PELP1: variants seen among roughly 807,000 people sequenced by gnomAD.
The protein encoded by PELP1 is proline, glutamate and leucine rich protein 1, also known as proline-, glutamic acid- and leucine-rich protein 1.
PELP1 carries 32 observed loss-of-function variants against 95.5 expected under a neutral mutation model. The observed-to-expected ratio is 0.34, with a 90% CI of 0.25 to 0.45. The LOEUF is 0.45. Ranked by LOEUF, PELP1 falls within the 20% of genes least tolerant of loss-of-function variation. The probability of loss-of-function intolerance (pLI) is 1.00; values close to 1 mark genes in which losing one functional copy is unlikely to be tolerated. For missense variants in PELP1, 1,358 were observed against 1,444.8 expected, an observed-to-expected ratio of 0.94 and a Z score of 0.97; for synonymous variants, 668 against 600.1, an observed-to-expected ratio of 1.11 and a Z score of -1.65.
chr17:4,692,291 C>A lies in PELP1; in HGVS notation c.250-849G>T, dbSNP rs928139760. On this transcript the variant is annotated intron_variant, in intron 1 of 16. Coordinates refer to ENST00000572293, the MANE Select transcript of PELP1 (RefSeq NM_014389.3). ...GACCATCCTGGCTAACATGGTGAAA[C>A]CCCGTCTCTACTAAAAATACAAAAA... is the stretch of plus-strand genomic sequence containing the variant. Among the ~76,000 whole-genome samples, 22 of 152,030 alleles carry A rather than the reference C, an allele frequency of 1.4e-4. 1 individual carries two copies. The highest frequency in any genetic ancestry group is 7.9e-4 in the Admixed American group (12 of 15,266).
chr17:4,683,531 C>CT (rs59870828), intron 3 of PELP1, among the ~76,000 whole-genome samples: 5 of 96,568 alleles, frequency 5.2e-5, no homozygotes, highest in African/African-American at 1.9e-4. Context: ...GTTTTCTTTT[C>CT]TTTTTTTTTT....
chr17:4,674,455 G>A, intron 13 of PELP1, 55 bp downstream of exon 13: 1 of 1,540,322 alleles, frequency 6.5e-7, no homozygotes, highest in East Asian at 2.3e-5. Flanking sequence ...CCCACTAGGG[G>A]AAAGGATGGG....
Position 4,673,439 on chromosome 17 carries a change from G to A in PELP1, c.1656C>T (p.Val552=). The change falls in exon 15 of 17, where the codon GTC becomes GTT. Residue 552 remains valine, a synonymous_variant. Coordinates refer to ENST00000572293, the MANE Select transcript of PELP1 (RefSeq NM_014389.3). The surrounding 1 kb of genome is among the most constrained non-coding windows in gnomAD (Gnocchi z 5.7). ...EETHRRLHDL[V]LPLVMGVQQG... ...GCTGTACACCCATGACCAGGGGGAGGACCAGGTCATGCAGTCTCTGAAAAG... is the reference window on the plus strand; with the variant it reads ...GCTGTACACCCATGACCAGGGGGAGAACCAGGTCATGCAGTCTCTGAAAAG... 1 of 1,592,074 alleles carries A rather than the reference G, an allele frequency of 6.3e-7. No homozygotes were observed. Among genetic ancestry groups the A allele is most frequent in the Non-Finnish European group, 8.5e-7 (1 of 1,169,654 alleles).
At chr17:4,685,056 C>T (rs1271827692) in intron 3 of PELP1, among the ~76,000 whole-genome samples, 1 of 152,162 alleles carries the variant, frequency 6.6e-6, no homozygotes, top group Non-Finnish European at 1.5e-5. Flanking sequence ...TTCTCTCCCT[C>T]ATCGTTAGAG....
Position 4,674,680 on chromosome 17 carries a change from A to C in PELP1, c.1423-11T>G. The C allele has an allele frequency of 1.3e-6, 2 of 1,593,212 alleles. No homozygotes were observed. The highest frequency in any genetic ancestry group is 1.7e-6 in the Non-Finnish European group (2 of 1,172,930). Reference sequence around the variant, plus strand: ...CCGCGGGCTACGCAGCTGGAGGCAGAGAAAACATAAATCACATCCACAGGC... The same window carrying C: ...CCGCGGGCTACGCAGCTGGAGGCAGCGAAAACATAAATCACATCCACAGGC... On this transcript the variant is annotated splice_polypyrimidine_tract_variant and intron_variant, in intron 12 of 16. Coordinates refer to ENST00000572293, the MANE Select transcript of PELP1 (RefSeq NM_014389.3).
intron 1 of PELP1, among the ~76,000 whole-genome samples, chr17:4,697,112 G>A (rs548022832): frequency 2.6e-5 from 4 of 152,310 alleles, no homozygotes; most frequent in South Asian, 2.1e-4. Flanking sequence ...AAGAGAAACA[G>A]TGCAAGGCCT....
chr17:4,672,414 C>A lies in PELP1; in HGVS notation c.2577G>T (p.Gln859His), dbSNP rs752799492. 50 of 1,566,446 alleles carry A rather than the reference C, an allele frequency of 3.2e-5. No individual in the cohort carries two copies. The highest frequency in any genetic ancestry group is 4.2e-5 in the Non-Finnish European group (48 of 1,155,758). The change falls in exon 16 of 17, where the codon CAG becomes CAT. Residue 859 changes from glutamine (Q) to histidine (H), a missense_variant. By Grantham distance (24) the Gln-to-His change is conservative. Coordinates refer to ENST00000572293, the MANE Select transcript of PELP1 (RefSeq NM_014389.3). ...VPGPVTLPPP[Q>H]LVPEGTPGGG... ...CACCAGGAGTCCCTTCAGGGACCAA[C>A]TGGGGTGGAGGGAGCGTCACAGGAC...
intron 5 of PELP1, among the ~76,000 whole-genome samples, chr17:4,679,678 T>C (rs546318548): frequency 1.4e-4 from 21 of 152,338 alleles, no homozygotes; most frequent in African/African-American, 4.8e-4. Context: ...TAACCAGTTT[T>C]TACTAAACTT....
intron 5 of PELP1, among the ~76,000 whole-genome samples, chr17:4,678,433 A>G (rs1205277510): frequency 1.3e-5 from 2 of 152,080 alleles, no homozygotes; most frequent in African/African-American, 2.4e-5. Flanking sequence ...TACAATCTTA[A>G]CACTGCACTC....
chr17:4,676,789 C>T lies in PELP1; in HGVS notation c.666G>A (p.Leu222=). The T allele has an allele frequency of 6.4e-7, 1 of 1,569,940 alleles. No homozygotes were observed. The change falls in exon 6 of 17, where the codon CTG becomes CTA. Residue 222 remains leucine (L), a synonymous_variant. Coordinates refer to ENST00000572293, the MANE Select transcript of PELP1 (RefSeq NM_014389.3). ...SLKGKLASFF[L]SRVDALSPQL... ...GAGGGCTCAAGGCATCCACCCTAGACAGAAAAAATGAGGCCAGCTTGCCCT... is the reference window on the plus strand; with the variant it reads ...GAGGGCTCAAGGCATCCACCCTAGATAGAAAAAATGAGGCCAGCTTGCCCT...
At chr17:4,679,802 G>C (rs534858442) in intron 5 of PELP1, among the ~76,000 whole-genome samples, 19 of 152,160 alleles carry the variant, frequency 1.2e-4, no homozygotes, top group Non-Finnish European at 2.4e-4. Flanking sequence ...TATTAGCTGT[G>C]ATTAGAGGCA....
At chr17:4,698,604 G>A (rs573388314) in intron 1 of PELP1, among the ~76,000 whole-genome samples, 127 of 133,494 alleles carry the variant, frequency 9.5e-4, no homozygotes, top group African/African-American at 3.3e-3. Flanking sequence ...ATCATGCCAC[G>A]GCACTCCAGC....
chr17:4,699,527 T>C (rs1302824593), intron 1 of PELP1, among the ~76,000 whole-genome samples: 3 of 152,222 alleles, frequency 2.0e-5, no homozygotes, highest in Non-Finnish European at 1.5e-5. Flanking sequence ...GATAACACTT[T>C]CAAGGAGTTT....
intron 1 of PELP1, among the ~76,000 whole-genome samples, chr17:4,697,629 CA>C (rs1913346879): frequency 6.6e-6 from 1 of 152,154 alleles, no homozygotes; most frequent in African/African-American, 2.4e-5. Flanking sequence ...AGCGATAAGT[CA>C]AATATGATGA....
chr17:4,678,318 C>T (rs1275237899), intron 5 of PELP1, among the ~76,000 whole-genome samples: 1 of 151,994 alleles, frequency 6.6e-6, no homozygotes, highest in Non-Finnish European at 1.5e-5. Context: ...AGCAGGCTCA[C>T]GCTTTCCCCG....
Position 4,673,651 on chromosome 17 carries a change from A to G in PELP1, c.1606T>C (p.Cys536Arg). 1 of 1,613,932 alleles carries G rather than the reference A, an allele frequency of 6.2e-7. No homozygotes were observed. Among genetic ancestry groups the G allele is most frequent in the Non-Finnish European group, 8.5e-7 (1 of 1,179,832 alleles). Residue 536 changes from cysteine (C) to arginine (R), a missense_variant, in exon 14 of 17, where the codon TGT becomes CGT. This residue lies in a region of PELP1 where 538 missense variants were observed against 628.1 expected (regional missense o/e 0.86). Transcript: ENST00000572293. This position sits in a 1 kb window ranked among gnomAD's most constrained non-coding sequence, Gnocchi z 5.7. ...GTCTCCTCCTTGATGAGAGGCCCAC[A>G]CATGAGGATGGTCCGGCTGAGGCCT... Reference protein sequence around the residue: ...LRGLSRTILMCGPLIKEETHR... With the variant: ...LRGLSRTILMRGPLIKEETHR...
intron 1 of PELP1, among the ~76,000 whole-genome samples, chr17:4,698,008 G>GTTTT (rs60403748): frequency 3.7e-5 from 5 of 133,596 alleles, no homozygotes; most frequent in Admixed American, 7.7e-5. Flanking sequence ...TTTCTGCAAG[G>GTTTT]TTTTTTTTTT....
rs1394903275 is a variant in PELP1, at chr17:4,671,069, C to G, written c.*370G>C. On this transcript the variant is annotated 3_prime_UTR_variant, in exon 17 of 17. Transcript: ENST00000572293. The stretch of plus-strand genomic sequence containing the variant: ...GTGGGTGTTGACACAGGTCCACTCA[C>G]TAGGATGCATTCTCCACACATTTCC... 3 of 285,228 alleles carry G rather than the reference C, an allele frequency of 1.1e-5. No individual in the cohort carries two copies. Among genetic ancestry groups the G allele is most frequent in the Non-Finnish European group, 6.7e-6 (1 of 149,690 alleles). 17.7% of individuals were successfully genotyped at this position (285,228 alleles called of 1,614,324 possible).
chr17:4,684,342 C>G (rs1567664737), intron 3 of PELP1, among the ~76,000 whole-genome samples: 1 of 152,172 alleles, frequency 6.6e-6, no homozygotes, highest in Non-Finnish European at 1.5e-5. Flanking sequence ...ACTGTCACCT[C>G]TGTTTAACCT....
Sources: gnomAD v4.1 joint callset for allele counts (sites outside exome capture counted in the v4.1 genomes callset) on GRCh38, gnomAD v4.1.1 for gene constraint, gnomAD v4.1.1 regional missense constraint, Gnocchi (gnomAD v3.1) non-coding constraint, MANE v1.5 for transcripts, NCBI Gene and HGNC (gene_info 2026-07-23, HGNC 2026-07-21) for gene names.